SLC6A11: variants seen among roughly 807,000 people sequenced by gnomAD.
SLC6A11 encodes solute carrier family 6 member 11.
A neutral mutation model predicts 74.8 loss-of-function variants in SLC6A11; 25 were observed. The ratio of observed to expected loss-of-function variants is 0.33; its 90% CI spans 0.24 to 0.47. The LOEUF (loss-of-function observed/expected upper bound fraction) is 0.47, where lower values mean the gene tolerates loss of function less well. Among genes scored for constraint, SLC6A11 ranks in the 20% least tolerant of loss-of-function variants. The pLI is 1.00. For synonymous variants in SLC6A11, 330 were observed against 330.2 expected (o/e 1.00, Z 0.01); for missense variants, 574 against 837.0 (o/e 0.69, Z 3.88).
chr3:10,912,012 G>A (rs1275713004), intron 6 of SLC6A11, 78 bp from the exon 7 acceptor site: 2 of 948,114 alleles, frequency 2.1e-6, no homozygotes, highest in African/African-American at 3.2e-5. Flanking sequence ...TGTGGGTGGG[G>A]GATTTCAGAG....
chr3:10,858,167 A>G lies in SLC6A11; in HGVS notation c.756+13821A>G, dbSNP rs545213302. On this transcript the variant is annotated intron_variant, in intron 5 of 13. Coordinates refer to ENST00000254488, the MANE Select transcript of SLC6A11 (RefSeq NM_014229.3). The stretch of plus-strand genomic sequence containing the variant: ...ACATTCCACGGACAGTACAGCCATT[A>G]GTGACATGATTTTCTGAAATGATGA... Among the ~76,000 whole-genome samples the G allele has an allele frequency of 5.1e-4, 77 of 152,374 alleles. 2 individuals are homozygous for G. The highest frequency in any genetic ancestry group is 6.5e-5 in the Admixed American group (1 of 15,314).
chr3:10,827,374 C>A (rs537868478), intron 4 of SLC6A11, among the ~76,000 whole-genome samples: 55 of 152,342 alleles, frequency 3.6e-4, no homozygotes, highest in African/African-American at 1.3e-3. Context: ...GGAATAAGTT[C>A]TTCCTTAAAT....
chr3:10,817,429 G>A (rs966688436), intron 1 of SLC6A11, among the ~76,000 whole-genome samples: 2 of 152,172 alleles, frequency 1.3e-5, no homozygotes, highest in Non-Finnish European at 2.9e-5. Context: ...CTCAGGGAAG[G>A]GGCTCCAGCC....
At chr3:10,912,897 A>G (rs1695406701) in intron 7 of SLC6A11, among the ~76,000 whole-genome samples, 1 of 152,128 alleles carries the variant, frequency 6.6e-6, no homozygotes, top group Admixed American at 6.5e-5. Flanking sequence ...CCCTGAACTC[A>G]GTGCCTGGTA....
intron 1 of SLC6A11, among the ~76,000 whole-genome samples, chr3:10,819,131 G>C (rs1192921822): frequency 6.6e-6 from 1 of 152,178 alleles, no homozygotes; most frequent in African/African-American, 2.4e-5. Flanking sequence ...ACCCACGCTG[G>C]AGGATGAAAT....
intron 5 of SLC6A11, among the ~76,000 whole-genome samples, chr3:10,861,886 C>T (rs1001164864): frequency 3.3e-5 from 5 of 152,112 alleles, no homozygotes; most frequent in African/African-American, 4.8e-5. Flanking sequence ...GCTCAGGATC[C>T]CTGAGGAAGA....
At chr3:10,910,537 C>T (rs372912289) in intron 6 of SLC6A11, among the ~76,000 whole-genome samples, 12 of 152,072 alleles carry the variant, frequency 7.9e-5, no homozygotes, top group South Asian at 2.1e-4. Context: ...AGTGAGCTTC[C>T]GGTCACTGGT....
intron 4 of SLC6A11, 95 bp downstream of exon 4, chr3:10,823,487 C>G (rs1252418803): frequency 1.1e-5 from 9 of 819,808 alleles, no homozygotes; most frequent in Middle Eastern, 3.3e-4. Context: ...AAAGCCTGAT[C>G]CTTCTTGCAG....
chr3:10,852,538 C>T (rs1310750482), intron 5 of SLC6A11, among the ~76,000 whole-genome samples: 8 of 152,220 alleles, frequency 5.3e-5, no homozygotes, highest in Non-Finnish European at 1.2e-4. Context: ...AAAGGCCCCC[C>T]AAAGTCCCAG....
In SLC6A11 at chr3:10,853,134, A is replaced by G. The variant is rs559823641; in HGVS notation, c.756+8788A>G. 2.6e-5 allele frequency among the ~76,000 whole-genome samples: 4 copies of G among 152,248 alleles called. No individual in the cohort carries two copies. In the South Asian group the frequency reaches 6.2e-4, roughly 24 times the overall value. On this transcript the variant is annotated intron_variant, in intron 5 of 13. Coordinates refer to ENST00000254488, the MANE Select transcript of SLC6A11 (RefSeq NM_014229.3). ...TGTGAAAGAACGAGCCCAGGCTGGG[A>G]TGATTGAGTCGGGTGAGCCTGGCAG...
chr3:10,890,040 A>G (rs936551367), intron 6 of SLC6A11, among the ~76,000 whole-genome samples: 5 of 152,282 alleles, frequency 3.3e-5, no homozygotes, highest in African/African-American at 1.2e-4. Context: ...GAAATTAAAT[A>G]AAATTTACAA....
At chr3:10,830,831 C>T (rs146419430) in intron 4 of SLC6A11, among the ~76,000 whole-genome samples, 450 of 152,244 alleles carry the variant, frequency 3.0e-3, no homozygotes, top group African/African-American at 9.9e-3. Context: ...TGTGGGATGC[C>T]TGCAAATGTT....
At chr3:10,905,571 C>A (rs981600062) in intron 6 of SLC6A11, among the ~76,000 whole-genome samples, 1 of 152,170 alleles carries the variant, frequency 6.6e-6, no homozygotes, top group African/African-American at 2.4e-5. Flanking sequence ...TACAGAGTAA[C>A]CTAGCAGTAA....
At chr3:10,838,429 A>C (rs1385562025) in intron 4 of SLC6A11, among the ~76,000 whole-genome samples, 1 of 152,226 alleles carries the variant, frequency 6.6e-6, no homozygotes, top group Non-Finnish European at 1.5e-5. Context: ...GGGGAGTGTC[A>C]GCATCAGAAG....
chr3:10,938,620 C>T lies in SLC6A11; in HGVS notation c.*218C>T, dbSNP rs550881010. ...AAGTAACCACTACAAAGAGATAACA[C>T]TGTACGGGGACTGCCAGATCTTCTG... On this transcript the variant is annotated 3_prime_UTR_variant, in exon 14 of 14. Coordinates refer to ENST00000254488, the MANE Select transcript of SLC6A11 (RefSeq NM_014229.3). The T allele has an allele frequency of 8.3e-5, 36 of 431,780 alleles. No individual in the cohort carries two copies. The Admixed American group carries it at 1.1e-3, about 13-fold the overall frequency. The allele number at this position is 431,780 out of a possible 1,614,324, so 26.7% of individuals were successfully genotyped here.
At chr3:10,930,549 C>T (rs556466827) in intron 10 of SLC6A11, among the ~76,000 whole-genome samples, 5 of 152,282 alleles carry the variant, frequency 3.3e-5, no homozygotes, top group East Asian at 3.9e-4. Context: ...TCTCCCCACT[C>T]GGAGAAACCA....
rs963642091 is a variant in SLC6A11 at position 10,816,640 on chromosome 3, C to A, written c.256+119C>A. The A allele has an allele frequency of 8.1e-6, 9 of 1,112,844 alleles. No individual in the cohort carries two copies. In the African/African-American group the frequency reaches 1.2e-4, roughly 14 times the overall value. 68.9% of individuals were successfully genotyped at this position (1,112,844 alleles called of 1,614,324 possible). A position where few individuals can be genotyped will look rare whatever the true frequency, so the allele number is the denominator to read the frequency against. On this transcript the variant is annotated intron_variant, in intron 1 of 13. Coordinates refer to ENST00000254488, the MANE Select transcript of SLC6A11 (RefSeq NM_014229.3). The surrounding 1 kb of genome is among the most constrained non-coding windows in gnomAD (Gnocchi z 4.2). ...GTGGAGCGGAACCCGAGCGGAGAACCTCGACTCCAGGCACCTCGCGTGTGA... is the reference window on the plus strand; with the variant it reads ...GTGGAGCGGAACCCGAGCGGAGAACATCGACTCCAGGCACCTCGCGTGTGA...
chr3:10,845,045 G>A (rs1428164270), intron 5 of SLC6A11, among the ~76,000 whole-genome samples: 1 of 152,206 alleles, frequency 6.6e-6, no homozygotes, highest in African/African-American at 2.4e-5. Context: ...TGCACTGCAA[G>A]GATCAGTACA....
chr3:10,830,329 A>G (rs866107217), intron 4 of SLC6A11, among the ~76,000 whole-genome samples: 6 of 152,326 alleles, frequency 3.9e-5, no homozygotes, highest in Middle Eastern at 3.4e-3. Flanking sequence ...TTTACCCACA[A>G]TGCTACTGCA....
Sources: allele counts gnomAD v4.1 joint callset (sites outside exome capture counted in the v4.1 genomes callset), GRCh38; gene constraint gnomAD v4.1.1; non-coding constraint Gnocchi (gnomAD v3.1); transcripts MANE v1.5; gene names NCBI Gene and HGNC (gene_info 2026-07-23, HGNC 2026-07-21).